The following ANKFN1 variants were observed in gnomAD, a reference collection of about 807,000 sequenced individuals.
ANKFN1 encodes ankyrin repeat and fibronectin type III domain containing 1, also known as ankyrin repeat and fibronectin type-III domain-containing protein 1.
In ANKFN1, 74 loss-of-function variants were observed where a neutral mutation model predicts 108.7. The observed-to-expected ratio is 0.68, with a 90% CI of 0.56 to 0.83. ANKFN1 has a LOEUF of 0.83. Ranked by LOEUF, ANKFN1 falls within the 40% of genes least tolerant of loss-of-function variation. ANKFN1 has a pLI of 0.00. For synonymous variants in ANKFN1, 547 were observed against 516.2 expected (o/e 1.06, Z -0.81); for missense variants, 1,505 against 1,382.3 (o/e 1.09, Z -1.41).
chr17:56,111,857 C>A (rs1259948251), intron 4 of ANKFN1, among the ~76,000 whole-genome samples: 1 of 152,212 alleles, frequency 6.6e-6, no homozygotes, highest in Non-Finnish European at 1.5e-5. Flanking sequence ...CTGAAGAGCA[C>A]TTGAAATCAT....
chr17:56,101,605 T>C (rs1345058256), intron 4 of ANKFN1, among the ~76,000 whole-genome samples: 2 of 152,342 alleles, frequency 1.3e-5, no homozygotes, highest in South Asian at 4.1e-4. Context: ...TTAAGCAACC[T>C]GTCACTGGCA....
intron 2 of ANKFN1, among the ~76,000 whole-genome samples, chr17:56,214,035 G>C (rs1327089372): frequency 6.6e-6 from 1 of 152,164 alleles, no homozygotes; most frequent in Non-Finnish European, 1.5e-5. Flanking sequence ...AGGTATAAAA[G>C]ATGGATTGAG....
chr17:56,359,221 G>A (rs1423222284), intron 6 of ANKFN1, among the ~76,000 whole-genome samples: 2 of 152,122 alleles, frequency 1.3e-5, no homozygotes, highest in African/African-American at 4.8e-5. Context: ...GTCACTATGT[G>A]TATCATCGAC....
chr17:56,060,138 T>C (rs1904947523), intron 4 of ANKFN1, among the ~76,000 whole-genome samples: 1 of 152,212 alleles, frequency 6.6e-6, no homozygotes, highest in Admixed American at 6.5e-5. Flanking sequence ...CTTGAAGAGG[T>C]CCTTCACATT....
At chr17:56,348,656 A>G (rs1020064309) in intron 4 of ANKFN1, among the ~76,000 whole-genome samples, 1 of 152,104 alleles carries the variant, frequency 6.6e-6, no homozygotes, top group African/African-American at 2.4e-5. Flanking sequence ...AAAAAGCTCA[A>G]CATCACTGAT....
intron 2 of ANKFN1, among the ~76,000 whole-genome samples, chr17:56,226,614 C>T (rs1916293392): frequency 6.6e-6 from 1 of 152,118 alleles, no homozygotes; most frequent in African/African-American, 2.4e-5. Flanking sequence ...CAAGCAAAAC[C>T]TCCATAGCTA....
chr17:56,510,978 G>C lies in ANKFN1; in HGVS notation c.3150G>C (p.Glu1050Asp). 1 of 1,536,014 alleles carries C rather than the reference G, an allele frequency of 6.5e-7. No homozygotes were observed. The highest frequency in any genetic ancestry group is 1.2e-5 in the South Asian group (1 of 84,032). The change falls in exon 21 of 21, where the codon GAG (glutamate) becomes GAC (aspartate). Residue 1050 changes from glutamate (E) to aspartate (D), a missense_variant. Physicochemically the swap from Glu to Asp is conservative, Grantham distance 45. Transcript: ENST00000682825. ...QACGLAQEPK[E>D]AKRAGPALDD... ...GTGGTCTGGCCCAGGAGCCCAAGGA[G>C]GCCAAGCGGGCCGGCCCTGCCCTTG... is the stretch of plus-strand genomic sequence containing the variant.
chr17:56,232,766 C>T lies in ANKFN1; in HGVS notation c.53+4809C>T, dbSNP rs146541871. Among the ~76,000 whole-genome samples, 5 of 152,190 alleles carry T rather than the reference C, an allele frequency of 3.3e-5. No individual in the cohort carries two copies. In the East Asian group the frequency reaches 9.7e-4, roughly 29 times the overall value. On this transcript the variant is annotated intron_variant, in intron 3 of 20. Transcript: ENST00000682825. ...CAGTAAATGCTTACATTAACTCAAT[C>T]AACAGAATCAAATACAAAGTAGCTT...
intron 8 of ANKFN1, among the ~76,000 whole-genome samples, chr17:56,398,550 T>A (rs1426099375): frequency 1.3e-5 from 2 of 152,186 alleles, no homozygotes; most frequent in Admixed American, 6.6e-5. Context: ...TTATTTAGTC[T>A]CTTCCTCAAT....
chr17:56,514,537 C>A lies in ANKFN1; in HGVS notation c.*3268C>A, dbSNP rs1349466263. On this transcript the variant is annotated 3_prime_UTR_variant, in exon 21 of 21. Transcript: ENST00000682825. ...AACTACTTAACAAAGCTAAAACATCCTCTTAATTGGCGAGGGTGCCTGGGA... is the reference window on the plus strand; with the variant it reads ...AACTACTTAACAAAGCTAAAACATCATCTTAATTGGCGAGGGTGCCTGGGA... 6.6e-6 allele frequency among the ~76,000 whole-genome samples: 1 copy of A among 152,146 alleles called. No individual in the cohort carries two copies. The highest frequency in any genetic ancestry group is 1.5e-5 in the Non-Finnish European group (1 of 68,026).
At chr17:56,214,872 T>C (rs941473551) in intron 2 of ANKFN1, among the ~76,000 whole-genome samples, 7 of 152,202 alleles carry the variant, frequency 4.6e-5, no homozygotes, top group East Asian at 1.9e-4. Context: ...TGCAAACAAA[T>C]AATATACAGC....
At position 56,062,134 on chromosome 17, in the gene ANKFN1, G is replaced by A. The variant is rs748761406; in HGVS notation, c.288+15809G>A. 7.2e-4 allele frequency among the ~76,000 whole-genome samples: 109 copies of A among 152,168 alleles called. 1 individual carries two copies. The highest frequency in any genetic ancestry group is 1.4e-3 in the Non-Finnish European group (97 of 68,036). On this transcript the variant is annotated intron_variant, in intron 4 of 12. Coordinates refer to the ANKFN1 transcript ENST00000635860. ...TTTCAGTTCTTTTGCATTTGCTGAG[G>A]AGTGTTTTACTTCCAATTATGTGGT... is the stretch of plus-strand genomic sequence containing the variant.
intron 4 of ANKFN1, among the ~76,000 whole-genome samples, chr17:56,146,975 AT>A (rs758941456): frequency 2.2e-4 from 34 of 152,076 alleles, no homozygotes; most frequent in Non-Finnish European, 4.3e-4. Context: ...CCACTTAGAA[AT>A]TTCTTCTGCC....
chr17:56,298,371 A>T (rs1166578971), intron 3 of ANKFN1, among the ~76,000 whole-genome samples: 1 of 152,248 alleles, frequency 6.6e-6, no homozygotes, highest in Non-Finnish European at 1.5e-5. Context: ...TAGATAAAAA[A>T]GTCAAAATAA....
chr17:56,366,856 G>A (rs552207222), intron 6 of ANKFN1, among the ~76,000 whole-genome samples: 7 of 152,300 alleles, frequency 4.6e-5, no homozygotes, highest in African/African-American at 1.4e-4. Context: ...CTGTTAGTAA[G>A]TGACACATGA....
At chr17:56,124,878 C>T (rs73325660) in intron 4 of ANKFN1, among the ~76,000 whole-genome samples, 6,561 of 152,268 alleles carry the variant, frequency 0.043, 473 homozygotes, top group African/African-American at 0.15. Flanking sequence ...TCCTGGTCTC[C>T]GTGTGACCTC....
At chr17:56,460,056 TA>T (rs57118539) in intron 14 of ANKFN1, among the ~76,000 whole-genome samples, 4,758 of 148,050 alleles carry the variant, frequency 0.032, 262 homozygotes, top group African/African-American at 0.11. Flanking sequence ...CATTGCCACA[TA>T]AAAAAAAAAA....
At chr17:56,140,135 A>C (rs1465442108) in intron 4 of ANKFN1, among the ~76,000 whole-genome samples, 1 of 152,200 alleles carries the variant, frequency 6.6e-6, no homozygotes, top group East Asian at 1.9e-4. Context: ...ATCTTTCTAG[A>C]ACTCCTGCTT....
At chr17:56,494,954 T>C (rs769026940) in intron 19 of ANKFN1, among the ~76,000 whole-genome samples, 8 of 152,172 alleles carry the variant, frequency 5.3e-5, no homozygotes, top group Non-Finnish European at 1.0e-4. Flanking sequence ...CTCCTTTCTT[T>C]TTCATGTAGC....
Sources: allele counts gnomAD v4.1 joint callset (sites outside exome capture counted in the v4.1 genomes callset), GRCh38; gene constraint gnomAD v4.1.1; transcripts MANE v1.5; gene names NCBI Gene and HGNC (gene_info 2026-07-23, HGNC 2026-07-21).